PARN: variants seen among roughly 807,000 people sequenced by gnomAD.
The protein encoded by PARN is poly(A)-specific ribonuclease.
A neutral mutation model predicts 102.8 loss-of-function variants in PARN; 71 were observed. The ratio of observed to expected loss-of-function variants is 0.69; its 90% CI spans 0.57 to 0.84. The LOEUF is 0.84. Among genes scored for constraint, PARN ranks in the 40% least tolerant of loss-of-function variants. The pLI, the probability that PARN is intolerant of heterozygous loss-of-function variation, is 0.00. For synonymous variants in PARN, 261 were observed against 252.9 expected, an observed-to-expected ratio of 1.03 and a Z score of -0.30; for missense variants, 782 against 760.9, an observed-to-expected ratio of 1.03 and a Z score of -0.33.
At chr16:14,587,879 C>T (rs1381694724) in intron 13 of PARN, among the ~76,000 whole-genome samples, 5 of 152,232 alleles carry the variant, frequency 3.3e-5, no homozygotes, top group Non-Finnish European at 7.3e-5. Context: ...TTCCACTTAA[C>T]GTTCATTAAC....
intron 18 of PARN, among the ~76,000 whole-genome samples, chr16:14,556,794 CT>C (rs1395482954): frequency 1.3e-5 from 2 of 150,662 alleles, no homozygotes; most frequent in South Asian, 2.1e-4. Flanking sequence ...ACACAGGTTT[CT>C]TTTTTTTTAA....
intron 13 of PARN, among the ~76,000 whole-genome samples, chr16:14,590,591 C>T (rs1309463996): frequency 6.8e-6 from 1 of 146,834 alleles, no homozygotes; most frequent in Non-Finnish European, 1.5e-5. Flanking sequence ...GCAGAGATCA[C>T]ACCACTGCAC....
chr16:14,479,012 T>G (rs958232153), intron 22 of PARN, among the ~76,000 whole-genome samples: 5 of 152,202 alleles, frequency 3.3e-5, no homozygotes, highest in African/African-American at 1.2e-4. Context: ...TCAGGTCATC[T>G]GCCCGCCTTG....
rs200433771 is a variant in PARN at position 14,447,061 on chromosome 16, A to G, written c.1691T>C (p.Val564Ala). 9.2e-5 allele frequency: 149 copies of G among 1,613,562 alleles called. No homozygotes were observed. The highest frequency in any genetic ancestry group is 1.2e-4 in the Non-Finnish European group (146 of 1,179,716). The change falls in exon 23 of 24, where the codon GTA becomes GCA. Residue 564 changes from valine (V) to alanine (A), a missense_variant. Coordinates refer to ENST00000437198, the MANE Select transcript of PARN (RefSeq NM_002582.4). ...ACTAGGACTCAAATTTCTCTTTCCT[A>G]CTGTGCTGGGAGCTGTAAAACTGAA... Reference protein sequence around the residue: ...RNNSFTAPSTVGKRNLSPSQE... With the variant: ...RNNSFTAPSTAGKRNLSPSQE...
intron 18 of PARN, among the ~76,000 whole-genome samples, chr16:14,569,841 A>G (rs1334588207): frequency 6.6e-6 from 1 of 152,184 alleles, no homozygotes; most frequent in Non-Finnish European, 1.5e-5. Flanking sequence ...AAAGTTCTGG[A>G]AACAGTGGCT....
intron 9 of PARN, 103 bp downstream of exon 9, chr16:14,608,178 A>C: frequency 1.2e-6 from 1 of 817,342 alleles, no homozygotes; most frequent in East Asian, 2.7e-5. Context: ...CAAATCACTG[A>C]GAACCGCAGA....
chr16:14,624,975 G>A (rs1447216563), intron 5 of PARN, among the ~76,000 whole-genome samples: 1 of 151,286 alleles, frequency 6.6e-6, no homozygotes, highest in Non-Finnish European at 1.5e-5. Flanking sequence ...ACTTAAACCC[G>A]GGGCTTTAGC....
At chr16:14,512,667 T>G (rs1965257617) in intron 21 of PARN, among the ~76,000 whole-genome samples, 1 of 152,148 alleles carries the variant, frequency 6.6e-6, no homozygotes, top group South Asian at 2.1e-4. Context: ...TCAGAAACCT[T>G]TGATAAGAAA....
At chr16:14,475,479 T>C (rs1415308059) in intron 22 of PARN, among the ~76,000 whole-genome samples, 1 of 152,212 alleles carries the variant, frequency 6.6e-6, no homozygotes, top group East Asian at 1.9e-4. Context: ...GTCCAGTTTC[T>C]CCAGAACCCA....
Position 14,630,085 on chromosome 16 carries a change from G to A in PARN, c.19+22C>T, listed in dbSNP as rs1429143978. On this transcript the variant is annotated intron_variant, in intron 1 of 23. Transcript: ENST00000437198. ...GGGCAGCCGGGTGTGGGGAGGCGGG[G>A]AGGTGTACGGCGGACACGCACTGCT... is the stretch of plus-strand genomic sequence containing the variant. 9 of 1,553,680 alleles carry A rather than the reference G, an allele frequency of 5.8e-6. No homozygotes were observed. The East Asian group carries it at 9.6e-5, about 17-fold the overall frequency.
At chr16:14,496,560 T>C (rs1964328744) in intron 21 of PARN, among the ~76,000 whole-genome samples, 1 of 152,188 alleles carries the variant, frequency 6.6e-6, no homozygotes. Flanking sequence ...ATTTACAACA[T>C]TCTTCACACT....
intron 6 of PARN, among the ~76,000 whole-genome samples, chr16:14,613,700 C>G (rs1388313819): frequency 1.3e-5 from 2 of 152,150 alleles, no homozygotes; most frequent in Non-Finnish European, 2.9e-5. Context: ...CACCATCAGT[C>G]AACGATAATT....
chr16:14,449,462 T>G (rs896372245), intron 22 of PARN, among the ~76,000 whole-genome samples: 5 of 152,222 alleles, frequency 3.3e-5, no homozygotes, highest in African/African-American at 9.6e-5. Flanking sequence ...AAAAAGGTTT[T>G]CTTGCCATGT....
chr16:14,475,680 C>A (rs1201715951), intron 22 of PARN, among the ~76,000 whole-genome samples: 1 of 152,224 alleles, frequency 6.6e-6, no homozygotes, highest in African/African-American at 2.4e-5. Flanking sequence ...CTGCCAAGGG[C>A]TCAGAGTCAA....
chr16:14,490,829 C>G (rs1964018451), intron 21 of PARN, among the ~76,000 whole-genome samples: 2 of 152,058 alleles, frequency 1.3e-5, no homozygotes, highest in African/African-American at 4.8e-5. Flanking sequence ...TTTAAATTTA[C>G]AACAGATGGA....
At chr16:14,520,302 A>G (rs1455421509) in intron 21 of PARN, among the ~76,000 whole-genome samples, 1 of 152,230 alleles carries the variant, frequency 6.6e-6, no homozygotes, top group African/African-American at 2.4e-5. Context: ...TCTTGACTTC[A>G]GTGGAAAAAG....
chr16:14,497,973 A>G (rs931443680), intron 21 of PARN, among the ~76,000 whole-genome samples: 1 of 152,016 alleles, frequency 6.6e-6, no homozygotes, highest in Non-Finnish European at 1.5e-5. Context: ...AAAATACAGA[A>G]ATGAGCTGGG....
intron 21 of PARN, among the ~76,000 whole-genome samples, chr16:14,545,040 T>G (rs1014392167): frequency 6.6e-6 from 1 of 151,966 alleles, no homozygotes; most frequent in African/African-American, 2.4e-5. Flanking sequence ...ATACAAAAAT[T>G]AGCCAGGCAT....
intron 9 of PARN, among the ~76,000 whole-genome samples, chr16:14,607,395 A>T (rs1971258807): frequency 6.6e-6 from 1 of 151,860 alleles, no homozygotes; most frequent in South Asian, 2.1e-4. Context: ...TGTAGTAGAG[A>T]CGGGGTTTCA....
Sources: gnomAD v4.1 joint callset for allele counts (sites outside exome capture counted in the v4.1 genomes callset) on GRCh38, gnomAD v4.1.1 for gene constraint, MANE v1.5 for transcripts, NCBI Gene and HGNC (gene_info 2026-07-23, HGNC 2026-07-21) for gene names.